Variants in OPA3 observed in about 807,000 individuals in gnomAD.
OPA3 encodes outer mitochondrial membrane lipid metabolism regulator OPA3, also known as optic atrophy 3 protein.
In OPA3, 6 loss-of-function variants were observed where a neutral mutation model predicts 4.0. The observed-to-expected ratio is 1.51, with a 90% confidence interval of 0.83 to 2.99. The LOEUF (loss-of-function observed/expected upper bound fraction) is 2.99, where lower values mean the gene tolerates loss of function less well. Among genes scored for constraint, OPA3 ranks in the 30% most tolerant of loss-of-function variants. OPA3 has a pLI of 0.00. For missense variants in OPA3, 235 were observed against 256.2 expected, an observed-to-expected ratio of 0.92 and a Z score of 0.56; for synonymous variants, 105 against 117.1, an observed-to-expected ratio of 0.90 and a Z score of 0.67.
At chr19:45,579,706 T>C (rs1969818366) in intron 1 of OPA3, among the ~76,000 whole-genome samples, 1 of 152,076 alleles carries the variant, frequency 6.6e-6, no homozygotes, top group African/African-American at 2.4e-5. Flanking sequence ...CAATAAATAT[T>C]ATTTACAGCA....
At chr19:45,564,101 A>G (rs1969545284) in intron 1 of OPA3, among the ~76,000 whole-genome samples, 2 of 151,246 alleles carry the variant, frequency 1.3e-5, no homozygotes, top group South Asian at 4.2e-4. Context: ...TCAAGACCCA[A>G]TAAAATAGCA....
chr19:45,562,549 T>C (rs1210693730), intron 1 of OPA3, among the ~76,000 whole-genome samples: 3 of 145,710 alleles, frequency 2.1e-5, no homozygotes, highest in Admixed American at 1.4e-4. Flanking sequence ...ATTAGCTGGG[T>C]GTGATGGCGC....
At chr19:45,566,665 A>G (rs187657664) in intron 1 of OPA3, among the ~76,000 whole-genome samples, 3,661 of 151,494 alleles carry the variant, frequency 0.024, 57 homozygotes, top group Middle Eastern at 0.051. Flanking sequence ...TAGTAGAGAC[A>G]GGGTTTCACC....
intron 1 of OPA3, among the ~76,000 whole-genome samples, chr19:45,540,725 CCTGGGAGGCGGAGAA>C (rs1236722784): frequency 6.6e-6 from 1 of 151,628 alleles, no homozygotes; most frequent in Non-Finnish European, 1.5e-5. Flanking sequence ...ATCACTTGAA[CCTGGGAGGCGGAGAA>C]TGCAGTGAGC....
chr19:45,535,328 G>A (rs1018415456), intron 1 of OPA3, among the ~76,000 whole-genome samples: 16 of 149,516 alleles, frequency 1.1e-4, no homozygotes, highest in Admixed American at 2.0e-4. Flanking sequence ...GGAATAAACT[G>A]ATTTCCGTAC....
rs550139773 is a variant in OPA3, at chr19:45,571,808, C to G, written c.142+12815G>C. On this transcript the variant is annotated intron_variant, in intron 1 of 1. Coordinates refer to ENST00000263275, the MANE Select transcript of OPA3 (RefSeq NM_025136.4). ...CCTCCATATTGTGCACCTTTCAGCT[C>G]CCCAATCCTCTTGGCAGTTGTGTTT... Among the ~76,000 whole-genome samples, 3 of 152,242 alleles carry G rather than the reference C, an allele frequency of 2.0e-5. No homozygotes were observed. The East Asian group carries it at 5.8e-4, about 29-fold the overall frequency.
intron 1 of OPA3, among the ~76,000 whole-genome samples, chr19:45,529,928 C>T (rs1245452781): frequency 6.6e-6 from 1 of 152,074 alleles, no homozygotes; most frequent in Non-Finnish European, 1.5e-5. Flanking sequence ...GAAATGGGGG[C>T]TCCTTGCGTT....
At chr19:45,569,740 G>C (rs1373286402) in intron 1 of OPA3, among the ~76,000 whole-genome samples, 4 of 151,746 alleles carry the variant, frequency 2.6e-5, no homozygotes, top group Non-Finnish European at 5.9e-5. Flanking sequence ...ATACACACAC[G>C]CATAGACTTC....
chr19:45,584,282 A>T (rs1262319677), intron 1 of OPA3: 1 of 954,320 alleles, frequency 1.0e-6, no homozygotes, highest in Non-Finnish European at 1.2e-6. Context: ...GTTTCTCCTC[A>T]GCCCCTCCCC....
downstream of OPA3, among the ~76,000 whole-genome samples, chr19:45,541,586 A>G (rs1327171442): frequency 6.6e-6 from 1 of 151,900 alleles, no homozygotes; most frequent in Non-Finnish European, 1.5e-5. Context: ...TTTTTTGGAG[A>G]AAGAGTCTCA....
At chr19:45,568,023 C>T (rs893376387) in intron 1 of OPA3, among the ~76,000 whole-genome samples, 8 of 152,056 alleles carry the variant, frequency 5.3e-5, no homozygotes, top group African/African-American at 1.4e-4. Flanking sequence ...TTTTGAGACA[C>T]AGTCTCACTC....
intron 1 of OPA3, among the ~76,000 whole-genome samples, chr19:45,558,176 C>A (rs1969448821): frequency 6.6e-6 from 1 of 151,874 alleles, no homozygotes; most frequent in South Asian, 2.1e-4. Context: ...AGTAAAAATA[C>A]AAAAAATTAG....
intron 1 of OPA3, among the ~76,000 whole-genome samples, chr19:45,540,047 A>G (rs1028325290): frequency 6.6e-6 from 1 of 152,012 alleles, no homozygotes; most frequent in Admixed American, 6.6e-5. Context: ...GGCCAGGCGC[A>G]GTGGCTCATG....
In OPA3 at chr19:45,549,390, C is replaced by T. The variant is rs1332902028; in HGVS notation, c.*4124G>A. 15 of 984,990 alleles carry T rather than the reference C, an allele frequency of 1.5e-5. No homozygotes were observed. Among genetic ancestry groups the T allele is most frequent in the Non-Finnish European group, 1.7e-5 (14 of 829,848 alleles). The allele number at this position is 984,990 out of a possible 1,614,324, so 61.0% of individuals were successfully genotyped here. On this transcript the variant is annotated 3_prime_UTR_variant, in exon 2 of 2. Coordinates refer to ENST00000263275, the MANE Select transcript of OPA3 (RefSeq NM_025136.4). Reference sequence around the variant, plus strand: ...GGGCAGGGCAGGGCAGGGCTGAGTGCGAAGTCTCTGAGATGTGAGAGCAGC... The same window carrying T: ...GGGCAGGGCAGGGCAGGGCTGAGTGTGAAGTCTCTGAGATGTGAGAGCAGC...
At chr19:45,581,740 AGAG>A (rs1969858397) in intron 1 of OPA3, among the ~76,000 whole-genome samples, 1 of 152,322 alleles carries the variant, frequency 6.6e-6, no homozygotes, top group Admixed American at 6.5e-5. Flanking sequence ...ATTCATCAAG[AGAG>A]GAGAACTGCA....
At chr19:45,579,164 C>T (rs1482606134) in intron 1 of OPA3, among the ~76,000 whole-genome samples, 1 of 152,138 alleles carries the variant, frequency 6.6e-6, no homozygotes, top group African/African-American at 2.4e-5. Flanking sequence ...TTAAATACTC[C>T]TTGTTCTACA....
chr19:45,528,883 C>CAGGTT lies in OPA3; in HGVS notation c.*168_*172dup, dbSNP rs1239610781. 4 of 701,136 alleles carry CAGGTT rather than the reference C, an allele frequency of 5.7e-6. No individual in the cohort carries two copies. The East Asian group carries it at 1.1e-4, about 19-fold the overall frequency. 43.4% of individuals were successfully genotyped at this position (701,136 alleles called of 1,614,324 possible). ...AGTCCCAGTGGAAGGTACCACTGGG[C>CAGGTT]AGGTTAGTAGGGAGGTTCGATCAGC... On this transcript the variant is annotated 3_prime_UTR_variant, in exon 2 of 2. Coordinates refer to the OPA3 transcript ENST00000323060.
At position 45,551,573 on chromosome 19, in the gene OPA3, G is replaced by T; in HGVS notation, c.*1941C>A. The T allele has an allele frequency of 2.8e-6, 1 of 358,312 alleles. No homozygotes were observed. The highest frequency in any genetic ancestry group is 3.9e-6 in the Non-Finnish European group (1 of 256,772). 22.2% of individuals were successfully genotyped at this position (358,312 alleles called of 1,614,324 possible). ...GAGCTGGAAGAGGGAGCGTGTCCCTGTCAGCACCTTGGTTTCAGACTTCTG... is the reference window on the plus strand; with the variant it reads ...GAGCTGGAAGAGGGAGCGTGTCCCTTTCAGCACCTTGGTTTCAGACTTCTG... On this transcript the variant is annotated 3_prime_UTR_variant, in exon 2 of 2. Coordinates refer to ENST00000263275, the MANE Select transcript of OPA3 (RefSeq NM_025136.4).
chr19:45,558,955 C>T (rs1377717038), intron 1 of OPA3, among the ~76,000 whole-genome samples: 5 of 152,060 alleles, frequency 3.3e-5, no homozygotes, highest in Non-Finnish European at 7.4e-5. Flanking sequence ...TTGATCTTGG[C>T]TCACTGCAAC....
Sources: gnomAD v4.1 joint callset for allele counts (sites outside exome capture counted in the v4.1 genomes callset) on GRCh38, gnomAD v4.1.1 for gene constraint, MANE v1.5 for transcripts, NCBI Gene and HGNC (gene_info 2026-07-23, HGNC 2026-07-21) for gene names.